The following STAG1 variants were observed in gnomAD, a reference collection of about 807,000 sequenced individuals.
STAG1 encodes cohesin subunit SA-1.
A neutral mutation model predicts 170.9 loss-of-function variants in STAG1; 26 were observed. The observed-to-expected ratio is 0.15, with a 90% CI of 0.11 to 0.21. The LOEUF is 0.21. STAG1 is among the 10% of genes least tolerant of loss of function. The pLI is 1.00. For missense variants in STAG1, 964 were observed against 1,509.5 expected (o/e 0.64, Z 5.99); for synonymous variants, 514 against 497.7 (o/e 1.03, Z -0.44).
At chr3:136,491,361 C>T (rs542694285) in intron 9 of STAG1, among the ~76,000 whole-genome samples, 6 of 152,222 alleles carry the variant, frequency 3.9e-5, no homozygotes, top group South Asian at 2.1e-4. Context: ...CAGAAAGGTC[C>T]GTCCATATCT....
At chr3:136,513,618 C>T (rs973820571) in intron 7 of STAG1, among the ~76,000 whole-genome samples, 1 of 151,956 alleles carries the variant, frequency 6.6e-6, no homozygotes, top group African/African-American at 2.4e-5. Context: ...TTCTCAACAG[C>T]AACTTTGGAA....
intron 16 of STAG1, among the ~76,000 whole-genome samples, chr3:136,428,223 AGCT>A (rs1480865768): frequency 6.6e-6 from 1 of 152,170 alleles, no homozygotes; most frequent in Non-Finnish European, 1.5e-5. Context: ...TTATCTGTAA[AGCT>A]GCTAACTCTC....
intron 5 of STAG1, among the ~76,000 whole-genome samples, chr3:136,564,115 C>A (rs1936962382): frequency 6.6e-6 from 1 of 152,002 alleles, no homozygotes; most frequent in Admixed American, 6.6e-5. Context: ...TGTGGCTATC[C>A]TATAGTTCAT....
chr3:136,582,885 G>T (rs1025220893), intron 4 of STAG1, among the ~76,000 whole-genome samples: 1 of 152,140 alleles, frequency 6.6e-6, no homozygotes, highest in African/African-American at 2.4e-5. Context: ...AATAACTTGA[G>T]AGATGAGCAA....
chr3:136,345,487 G>A (rs762862287), intron 29 of STAG1, among the ~76,000 whole-genome samples: 64 of 125,826 alleles, frequency 5.1e-4, no homozygotes, highest in Middle Eastern at 4.4e-3. Context: ...TTGAGATGGG[G>A]TTTTGCTATG....
intron 22 of STAG1, among the ~76,000 whole-genome samples, chr3:136,383,970 A>AG (rs1938122835): frequency 6.6e-6 from 1 of 150,940 alleles, no homozygotes. Flanking sequence ...AAAAAAAAAA[A>AG]AAAGAAACAG....
intron 5 of STAG1, among the ~76,000 whole-genome samples, chr3:136,542,639 A>T (rs530733608): frequency 6.6e-6 from 1 of 150,492 alleles, no homozygotes; most frequent in East Asian, 2.0e-4. Flanking sequence ...TAATGAATGT[A>T]AAAGGTTATC....
At chr3:136,346,935 C>T (rs1430993109) in intron 29 of STAG1, among the ~76,000 whole-genome samples, 1 of 151,756 alleles carries the variant, frequency 6.6e-6, no homozygotes, top group Non-Finnish European at 1.5e-5. Flanking sequence ...CCTGTCTTTA[C>T]GAAAAATACA....
Position 136,376,009 on chromosome 3 carries a change from TAATTAAC to T in STAG1, c.2370+1644_2370+1650del, listed in dbSNP as rs1560069403. The stretch of plus-strand genomic sequence containing the variant: ...ATAAATAAATAAATAAATAAATAAA[TAATTAAC>T]AAAATAAAATAAAATAAAATAAAAT... On this transcript the variant is annotated intron_variant, in intron 23 of 33. Transcript: ENST00000383202. Among the ~76,000 whole-genome samples, 18 of 32,296 alleles carry T rather than the reference TAATTAAC, an allele frequency of 5.6e-4. No individual in the cohort carries two copies. The South Asian group carries it at 0.013, about 23-fold the overall frequency. The allele number at this position is 32,296 out of a possible 152,430, so 21.2% of individuals were successfully genotyped here.
At chr3:136,514,176 A>T (rs1227310648) in intron 7 of STAG1, among the ~76,000 whole-genome samples, 2 of 152,232 alleles carry the variant, frequency 1.3e-5, no homozygotes. Flanking sequence ...AGTATGTTAA[A>T]ACATTTTTCA....
At chr3:136,562,159 G>A (rs927954658) in intron 5 of STAG1, among the ~76,000 whole-genome samples, 4 of 152,126 alleles carry the variant, frequency 2.6e-5, no homozygotes, top group African/African-American at 9.7e-5. Flanking sequence ...GATTTCACGT[G>A]TCTCAATAAC....
At chr3:136,434,237 A>C (rs2107748183) in intron 15 of STAG1, among the ~76,000 whole-genome samples, 1 of 152,270 alleles carries the variant, frequency 6.6e-6, no homozygotes, top group South Asian at 2.1e-4. Flanking sequence ...AAGAAGAAAT[A>C]ATGGATTCAA....
intron 21 of STAG1, among the ~76,000 whole-genome samples, chr3:136,402,849 T>G (rs1045257288): frequency 6.6e-6 from 1 of 151,786 alleles, no homozygotes; most frequent in Non-Finnish European, 1.5e-5. Context: ...ATAATAAATT[T>G]TCAGGTTTCA....
chr3:136,698,674 T>C (rs899835513), intron 1 of STAG1, among the ~76,000 whole-genome samples: 3 of 152,156 alleles, frequency 2.0e-5, no homozygotes, highest in African/African-American at 7.2e-5. Flanking sequence ...AAAGGTTACA[T>C]ATCAAATGAT....
intron 7 of STAG1, among the ~76,000 whole-genome samples, chr3:136,505,172 T>TAC (rs1933693327): frequency 6.6e-6 from 1 of 152,318 alleles, no homozygotes; most frequent in African/African-American, 2.4e-5. Flanking sequence ...TTCCTGGTAT[T>TAC]ACTAAAAAAA....
intron 1 of STAG1, among the ~76,000 whole-genome samples, chr3:136,746,713 C>T (rs1039111827): frequency 1.3e-5 from 2 of 152,148 alleles, no homozygotes; most frequent in Non-Finnish European, 2.9e-5. Flanking sequence ...CTTTGGGAGG[C>T]CAAGGCAAGC....
intron 16 of STAG1, among the ~76,000 whole-genome samples, chr3:136,426,579 A>C (rs567373989): frequency 6.6e-6 from 1 of 152,224 alleles, no homozygotes; most frequent in Non-Finnish European, 1.5e-5. Flanking sequence ...AAATTTATCA[A>C]AACTCACACA....
intron 1 of STAG1, among the ~76,000 whole-genome samples, chr3:136,686,292 A>T (rs2107892360): frequency 6.6e-6 from 1 of 152,324 alleles, no homozygotes; most frequent in Admixed American, 6.5e-5. Flanking sequence ...CTCTGAAAGC[A>T]TCAACTATCC....
rs548660663 is a variant in STAG1 at position 136,465,003 on chromosome 3, A to C, written c.1206-15T>G. On this transcript the variant is annotated splice_polypyrimidine_tract_variant and intron_variant, in intron 12 of 33. Coordinates refer to ENST00000383202, the MANE Select transcript of STAG1 (RefSeq NM_005862.3). ...CTTCACTTCCACTGAAAAATACAGA[A>C]AGTAACATCTGATCTAAAGCAAATG... is the stretch of plus-strand genomic sequence containing the variant. 6.4e-7 allele frequency: 1 copy of C among 1,573,238 alleles called. No individual in the cohort carries two copies. Among genetic ancestry groups the C allele is most frequent in the Admixed American group, 1.8e-5 (1 of 56,864 alleles).
Sources: allele counts gnomAD v4.1 joint callset (sites outside exome capture counted in the v4.1 genomes callset), GRCh38; gene constraint gnomAD v4.1.1; transcripts MANE v1.5; gene names NCBI Gene and HGNC (gene_info 2026-07-23, HGNC 2026-07-21).